Variants in PDE1A observed in about 807,000 individuals in gnomAD.
PDE1A encodes dual specificity calcium/calmodulin-dependent 3',5'-cyclic nucleotide phosphodiesterase 1A.
Under a neutral mutation model 61.7 loss-of-function variants are expected in PDE1A, and 35 were observed. The ratio of observed to expected loss-of-function variants is 0.57; its 90% confidence interval spans 0.43 to 0.75. The LOEUF (loss-of-function observed/expected upper bound fraction) is 0.75, where lower values mean the gene tolerates loss of function less well. Among genes scored for constraint, PDE1A ranks in the 30% least tolerant of loss-of-function variants. PDE1A has a pLI of 0.00. For missense variants in PDE1A, 597 were observed against 630.6 expected (o/e 0.95, Z 0.57); for synonymous variants, 232 against 213.2 (o/e 1.09, Z -0.77).
chr2:182,624,140 A>AAG, the PDE1A span, among the ~76,000 whole-genome samples: 2 of 147,408 alleles, frequency 1.4e-5, no homozygotes, highest in African/African-American at 5.4e-5. Flanking sequence ...AAAAAAAAAA[A>AAG]AAGAAGAAGA....
rs187199284 is a variant in PDE1A, at chr2:182,467,844, C to T, written c.101+54432G>A. 2.2e-3 allele frequency among the ~76,000 whole-genome samples: 337 copies of T among 151,980 alleles called. 7 individuals carry two copies. Among genetic ancestry groups the T allele is most frequent in the East Asian group, 1.2e-3 (6 of 5,168 alleles). ...ACATTGCAGGTTCAGTTCTAGTCTA[C>T]CACAATAAAGCTAACATAATAAAAT... is the stretch of plus-strand genomic sequence containing the variant. On this transcript the variant is annotated intron_variant, in intron 2 of 14. Transcript: ENST00000410103.
At chr2:182,564,246 T>C in the PDE1A span, among the ~76,000 whole-genome samples, 22 of 151,018 alleles carry the variant, frequency 1.5e-4, no homozygotes, top group Non-Finnish European at 2.5e-4. Flanking sequence ...TTAGGGCAGG[T>C]CTGGTGGTGA....
chr2:182,319,910 A>T (rs1696591277), intron 1 of PDE1A, among the ~76,000 whole-genome samples: 1 of 152,206 alleles, frequency 6.6e-6, no homozygotes, highest in Admixed American at 6.6e-5. Context: ...ATGATAAATC[A>T]AGAAGCAGTT....
chr2:182,600,479 T>C, the PDE1A span, among the ~76,000 whole-genome samples: 1 of 152,262 alleles, frequency 6.6e-6, no homozygotes, highest in Non-Finnish European at 1.5e-5. Context: ...ATTTCCTTCA[T>C]GGAGAGAGCT....
chr2:182,548,243 A>G, the PDE1A span, among the ~76,000 whole-genome samples: 3 of 152,196 alleles, frequency 2.0e-5, no homozygotes, highest in Non-Finnish European at 4.4e-5. Context: ...AGCTGTTACT[A>G]ACAGGAAACA....
intron 1 of PDE1A, among the ~76,000 whole-genome samples, chr2:182,411,169 T>C (rs1209006261): frequency 6.6e-6 from 1 of 152,222 alleles, no homozygotes; most frequent in Non-Finnish European, 1.5e-5. Context: ...TGTCCTACAT[T>C]AGTGTTGCAT....
intron 13 of PDE1A, among the ~76,000 whole-genome samples, chr2:182,148,800 A>G (rs182783827): frequency 1.1e-4 from 17 of 152,218 alleles, no homozygotes; most frequent in East Asian, 3.9e-4. Flanking sequence ...CTTAACTTCA[A>G]TCTCTCCAAG....
chr2:182,621,048 C>T, the PDE1A span, among the ~76,000 whole-genome samples: 1 of 152,144 alleles, frequency 6.6e-6, no homozygotes, highest in Admixed American at 6.5e-5. Flanking sequence ...CTCCTAGTGA[C>T]ACAGAAATTA....
intron 9 of PDE1A, 45 bp from the exon 10 acceptor site, chr2:182,201,604 C>T (rs1686636706): frequency 2.0e-6 from 3 of 1,522,234 alleles, no homozygotes; most frequent in African/African-American, 1.5e-5. Context: ...ACAAAGGAAA[C>T]AATTACAGTC....
intron 13 of PDE1A, among the ~76,000 whole-genome samples, chr2:182,154,065 T>C (rs1190475189): frequency 6.6e-6 from 1 of 152,210 alleles, no homozygotes; most frequent in Non-Finnish European, 1.5e-5. Flanking sequence ...AAAAATAATC[T>C]GTAAAATGAT....
At chr2:182,716,347 C>G in the PDE1A span, 1 of 152,276 alleles carries the variant, frequency 6.6e-6, no homozygotes, top group African/African-American at 2.4e-5. Context: ...TCACCAATCC[C>G]GTGCGCCGCG....
chr2:182,486,743 C>T (rs535903135), intron 2 of PDE1A, among the ~76,000 whole-genome samples: 1 of 152,022 alleles, frequency 6.6e-6, no homozygotes, highest in Non-Finnish European at 1.5e-5. Flanking sequence ...AAAAATATGA[C>T]TTTCGGCCCT....
At chr2:182,329,380 T>TC (rs1697254817) in intron 1 of PDE1A, among the ~76,000 whole-genome samples, 1 of 151,992 alleles carries the variant, frequency 6.6e-6, no homozygotes, top group African/African-American at 2.4e-5. Context: ...TACTCAAATG[T>TC]CTCTTTATTT....
intron 1 of PDE1A, among the ~76,000 whole-genome samples, chr2:182,291,450 T>C (rs908457018): frequency 6.6e-6 from 1 of 152,196 alleles, no homozygotes; most frequent in African/African-American, 2.4e-5. Context: ...TGCATATCTC[T>C]TTTTTATATT....
At chr2:182,269,683 T>C (rs900542662) in intron 1 of PDE1A, among the ~76,000 whole-genome samples, 4 of 151,930 alleles carry the variant, frequency 2.6e-5, no homozygotes, top group African/African-American at 9.7e-5. Context: ...TTTGAGAAAA[T>C]GCAAATGATC....
chr2:182,344,737 GTCTC>G (rs907339953), intron 1 of PDE1A, among the ~76,000 whole-genome samples: 27 of 100,998 alleles, frequency 2.7e-4, no homozygotes, highest in Admixed American at 1.7e-3. Flanking sequence ...CTGTCTCTCT[GTCTC>G]TCTCTCTCTC....
At chr2:182,166,961 A>G (rs988166579), downstream of PDE1A, among the ~76,000 whole-genome samples, 3 of 152,174 alleles carry the variant, frequency 2.0e-5, no homozygotes, top group Non-Finnish European at 4.4e-5. Flanking sequence ...GACTTTTTCC[A>G]AAAAGAAATA....
exon 15 of PDE1A, chr2:182,141,304 T>C (rs952913976): frequency 6.6e-6 from 1 of 152,158 alleles, no homozygotes; most frequent in Admixed American, 6.5e-5. Context: ...AAAAAGACAT[T>C]AAAAGCAGTA....
chr2:182,595,860 A>T, the PDE1A span, among the ~76,000 whole-genome samples: 1 of 152,298 alleles, frequency 6.6e-6, no homozygotes, highest in South Asian at 2.1e-4. Flanking sequence ...TGACTATAAC[A>T]TTGGCCTCCT....
Sources: allele counts gnomAD v4.1 joint callset (sites outside exome capture counted in the v4.1 genomes callset), GRCh38; gene constraint gnomAD v4.1.1; transcripts MANE v1.5; gene names NCBI Gene and HGNC (gene_info 2026-07-23, HGNC 2026-07-21).